RHPN2: variants seen among roughly 807,000 people sequenced by gnomAD.
The protein encoded by RHPN2 is rhophilin Rho GTPase binding protein 2.
In RHPN2, 40 loss-of-function variants were observed where a neutral mutation model predicts 79.0. The observed-to-expected ratio is 0.51, with a 90% CI of 0.39 to 0.66. RHPN2 has a LOEUF of 0.66. RHPN2 is among the 30% of genes least tolerant of loss of function. The pLI, the probability that RHPN2 is intolerant of heterozygous loss-of-function variation, is 0.00. For synonymous variants in RHPN2, 285 were observed against 363.5 expected (o/e 0.78, Z 2.46); for missense variants, 686 against 883.5 (o/e 0.78, Z 2.83).
chr19:33,036,669 C>T (rs952328021), intron 2 of RHPN2, among the ~76,000 whole-genome samples: 2 of 152,180 alleles, frequency 1.3e-5, no homozygotes, highest in Admixed American at 6.5e-5. Context: ...CAGGGCTGCC[C>T]GCGGTGCTTG....
chr19:32,987,296 C>T (rs1599806013), intron 14 of RHPN2, among the ~76,000 whole-genome samples: 1 of 152,260 alleles, frequency 6.6e-6, no homozygotes, highest in South Asian at 2.1e-4. Flanking sequence ...CAGTCCCTCC[C>T]GACTCCCATT....
At chr19:33,052,858 C>T (rs1304685434) in intron 1 of RHPN2, among the ~76,000 whole-genome samples, 3 of 152,024 alleles carry the variant, frequency 2.0e-5, no homozygotes, top group South Asian at 4.1e-4. Flanking sequence ...GAGGGGGGCT[C>T]GATATGAGTC....
intron 1 of RHPN2, among the ~76,000 whole-genome samples, chr19:33,045,292 T>A (rs1413425931): frequency 6.6e-6 from 1 of 152,060 alleles, no homozygotes; most frequent in East Asian, 1.9e-4. Flanking sequence ...CTTCAAGTGA[T>A]CCACCTGCCT....
intron 1 of RHPN2, among the ~76,000 whole-genome samples, chr19:33,057,635 C>T (rs1243429445): frequency 1.3e-5 from 2 of 149,102 alleles, no homozygotes. Context: ...AAGACCGTGC[C>T]ACTGCACTCC....
At chr19:33,015,473 A>C (rs1437792734) in intron 4 of RHPN2, among the ~76,000 whole-genome samples, 1 of 152,212 alleles carries the variant, frequency 6.6e-6, no homozygotes, top group Non-Finnish European at 1.5e-5. Flanking sequence ...TTAGGGACAA[A>C]ATGAGAATTT....
chr19:33,044,150 G>T, intron 2 of RHPN2, 99 bp downstream of exon 2: 2 of 845,438 alleles, frequency 2.4e-6, no homozygotes, highest in Non-Finnish European at 2.0e-6. Flanking sequence ...TGCCAGAAAT[G>T]AGGAGGAAAC....
At chr19:33,003,124 C>T (rs1971763271) in intron 7 of RHPN2, 124 bp from the exon 8 acceptor site, 9 of 813,980 alleles carry the variant, frequency 1.1e-5, no homozygotes, top group African/African-American at 3.4e-5. Flanking sequence ...TTTGGGAGGC[C>T]GAAGTGAGCA....
chr19:33,026,707 A>C (rs1971970999), intron 2 of RHPN2, 75 bp from the exon 3 acceptor site: 2 of 1,535,090 alleles, frequency 1.3e-6, no homozygotes, highest in Admixed American at 3.4e-5. Flanking sequence ...CCCAATCCCC[A>C]GTCCCTGCAG....
At chr19:33,055,341 C>T (rs1599837029) in intron 1 of RHPN2, among the ~76,000 whole-genome samples, 1 of 151,640 alleles carries the variant, frequency 6.6e-6, no homozygotes, top group East Asian at 1.9e-4. Context: ...GCCTGGGTGA[C>T]ACAGCCAGAT....
At chr19:32,994,848 A>G (rs569856262) in intron 11 of RHPN2, among the ~76,000 whole-genome samples, 22 of 152,114 alleles carry the variant, frequency 1.4e-4, no homozygotes, top group African/African-American at 5.1e-4. Flanking sequence ...CTATAGTCCC[A>G]GCTACTTGGG....
intron 4 of RHPN2, among the ~76,000 whole-genome samples, chr19:33,019,787 A>C (rs1971908385): frequency 6.6e-6 from 1 of 152,046 alleles, no homozygotes; most frequent in Non-Finnish European, 1.5e-5. Context: ...AAAAGAAAAA[A>C]AAAAAGAACG....
chr19:33,044,381 G>A lies in RHPN2; in HGVS notation c.70-17C>T. 6.4e-7 allele frequency: 1 copy of A among 1,569,846 alleles called. No homozygotes were observed. Among genetic ancestry groups the A allele is most frequent in the Admixed American group, 1.7e-5 (1 of 59,944 alleles). On this transcript the variant is annotated splice_polypyrimidine_tract_variant and intron_variant, in intron 1 of 14. Transcript: ENST00000254260. The stretch of plus-strand genomic sequence containing the variant: ...ATTACAGCCCTGAGGAAAAATAAGA[G>A]ATGCCCCTTCAGAGGTCGGCCACTC...
Position 32,980,125 on chromosome 19 carries a change from G to T in RHPN2, c.1932C>A (p.Gly644=), listed in dbSNP as rs1971562012. 1.2e-6 allele frequency: 2 copies of T among 1,613,924 alleles called. No homozygotes were observed. The highest frequency in any genetic ancestry group is 1.7e-6 in the Non-Finnish European group (2 of 1,179,864). Residue 644 remains glycine, a synonymous_variant, in exon 15 of 15, where the codon GGC becomes GGA. Transcript: ENST00000254260. ...ISKKLSFLSW[G]TNKNRQKSAS... is the part of the protein sequence containing the mutation. The stretch of plus-strand genomic sequence containing the variant: ...CTGACTTCTGTCTGTTCTTGTTGGT[G>T]CCCCAACTCAGGAAGGAAAGCTTCT...
chr19:33,040,837 C>T (rs1734222265), intron 2 of RHPN2, among the ~76,000 whole-genome samples: 1 of 151,974 alleles, frequency 6.6e-6, no homozygotes, highest in African/African-American at 2.4e-5. Context: ...GCCTATAATC[C>T]CAGCTACTCG....
chr19:32,983,931 T>G (rs1451359726), intron 14 of RHPN2, among the ~76,000 whole-genome samples: 1 of 152,090 alleles, frequency 6.6e-6, no homozygotes, highest in Non-Finnish European at 1.5e-5. Context: ...CCAGCTCCAT[T>G]TACTGTTTCT....
rs563108563 is a variant in RHPN2, at chr19:33,028,645, G to A, written c.186-2013C>T. Among the ~76,000 whole-genome samples, 27 of 152,192 alleles carry A rather than the reference G, an allele frequency of 1.8e-4. No individual in the cohort carries two copies. In the East Asian group the frequency reaches 1.9e-3, roughly 11 times the overall value. ...CTATTCTATGTTTATGGATGGGAAG[G>A]CTCATTATTGTCAAGATATCAAGCC... On this transcript the variant is annotated intron_variant, in intron 2 of 14. Transcript: ENST00000254260.
chr19:33,006,601 C>T (rs540992847), intron 7 of RHPN2, among the ~76,000 whole-genome samples: 44 of 152,288 alleles, frequency 2.9e-4, no homozygotes, highest in South Asian at 1.9e-3. Context: ...GCGTGGGGAA[C>T]ACACTGTGGT....
intron 9 of RHPN2, among the ~76,000 whole-genome samples, chr19:33,000,407 G>GA (rs1971739864): frequency 1.3e-5 from 2 of 151,582 alleles, no homozygotes; most frequent in African/African-American, 4.8e-5. Flanking sequence ...TTTTAGTAGA[G>GA]ATGGGGTTTC....
chr19:32,996,728 A>G (rs1331767306), intron 10 of RHPN2, among the ~76,000 whole-genome samples: 3 of 151,876 alleles, frequency 2.0e-5, no homozygotes, highest in Non-Finnish European at 2.9e-5. Flanking sequence ...TTTAGACCAT[A>G]GTATAAAAGA....
Sources: allele counts gnomAD v4.1 joint callset (sites outside exome capture counted in the v4.1 genomes callset), GRCh38; gene constraint gnomAD v4.1.1; transcripts MANE v1.5; gene names NCBI Gene and HGNC (gene_info 2026-07-23, HGNC 2026-07-21).